TDRD3: variants seen among roughly 807,000 people sequenced by gnomAD.
The protein encoded by TDRD3 is tudor domain-containing protein 3.
Under a neutral mutation model 86.7 loss-of-function variants are expected in TDRD3, and 45 were observed. The ratio of observed to expected loss-of-function variants is 0.52; its 90% CI spans 0.41 to 0.67. The LOEUF is 0.67. TDRD3 is among the 30% of genes least tolerant of loss of function. The pLI is 0.00. For synonymous variants in TDRD3, 298 were observed against 301.7 expected (o/e 0.99, Z 0.13); for missense variants, 814 against 889.0 (o/e 0.92, Z 1.07).
At chr13:60,402,696 T>C (rs1417804807) in intron 1 of TDRD3, among the ~76,000 whole-genome samples, 3 of 144,618 alleles carry the variant, frequency 2.1e-5, no homozygotes, top group African/African-American at 2.6e-5. Flanking sequence ...AATTGCTTTT[T>C]TTTTTTTTTT....
chr13:60,441,446 T>C (rs1290650500), intron 2 of TDRD3, among the ~76,000 whole-genome samples: 1 of 152,198 alleles, frequency 6.6e-6, no homozygotes. Context: ...CCCTGAAATA[T>C]GTGGTTAAAT....
At chr13:60,505,619 A>C (rs1159761681) in intron 8 of TDRD3, among the ~76,000 whole-genome samples, 1 of 152,204 alleles carries the variant, frequency 6.6e-6, no homozygotes, top group Admixed American at 6.5e-5. Flanking sequence ...AATGCAAGGA[A>C]GCTAAGAAAC....
intron 1 of TDRD3, among the ~76,000 whole-genome samples, chr13:60,412,466 A>G (rs2137832802): frequency 1.3e-5 from 2 of 152,256 alleles, no homozygotes; most frequent in South Asian, 4.1e-4. Flanking sequence ...CCTACATTAT[A>G]TGGCATTCTA....
intron 13 of TDRD3, among the ~76,000 whole-genome samples, chr13:60,569,281 A>G (rs542217592): frequency 1.3e-5 from 2 of 152,286 alleles, no homozygotes; most frequent in African/African-American, 4.8e-5. Flanking sequence ...TCAACAGCAA[A>G]CAATCTGAAA....
intron 1 of TDRD3, among the ~76,000 whole-genome samples, chr13:60,439,059 A>G (rs1386656490): frequency 6.6e-6 from 1 of 152,142 alleles, no homozygotes; most frequent in Non-Finnish European, 1.5e-5. Context: ...TGACAGATGC[A>G]TGGCTGATTT....
At chr13:60,494,597 C>G in intron 8 of TDRD3, 22 bp downstream of exon 8, 1 of 1,599,028 alleles carries the variant, frequency 6.3e-7, no homozygotes, top group Admixed American at 1.8e-5. Context: ...GAACTAACCA[C>G]AAATTTAAAG....
At chr13:60,561,900 G>A (rs1242921605) in intron 12 of TDRD3, among the ~76,000 whole-genome samples, 1 of 150,930 alleles carries the variant, frequency 6.6e-6, no homozygotes, top group East Asian at 1.9e-4. Flanking sequence ...GTTGTTTGTA[G>A]TAGAACTACA....
chr13:60,493,397 C>T (rs1464951654), intron 7 of TDRD3, among the ~76,000 whole-genome samples: 5 of 152,064 alleles, frequency 3.3e-5, no homozygotes, highest in African/African-American at 1.2e-4. Flanking sequence ...CATGGTGGCT[C>T]ATGCCTGTAA....
At chr13:60,407,264 A>T (rs1203113076) in intron 1 of TDRD3, among the ~76,000 whole-genome samples, 2 of 152,204 alleles carry the variant, frequency 1.3e-5, no homozygotes, top group Admixed American at 6.5e-5. Flanking sequence ...AGCACGATGT[A>T]AGGTGCACAG....
intron 10 of TDRD3, among the ~76,000 whole-genome samples, chr13:60,522,652 G>C (rs1047526608): frequency 1.3e-5 from 2 of 152,190 alleles, no homozygotes; most frequent in Admixed American, 1.3e-4. Context: ...CTAAGTGCCA[G>C]TTTGTGAGCT....
chr13:60,472,406 A>G (rs1308394378), intron 5 of TDRD3, among the ~76,000 whole-genome samples: 6 of 152,222 alleles, frequency 3.9e-5, no homozygotes, highest in Non-Finnish European at 7.3e-5. Context: ...CAACATCACT[A>G]ATCAAAATGT....
chr13:60,471,419 T>G (rs1414014540), intron 5 of TDRD3, among the ~76,000 whole-genome samples: 2 of 152,132 alleles, frequency 1.3e-5, no homozygotes, highest in Non-Finnish European at 2.9e-5. Flanking sequence ...TGCCACACTG[T>G]TTTGATTACT....
intron 10 of TDRD3, among the ~76,000 whole-genome samples, chr13:60,521,803 A>T (rs1294509479): frequency 1.3e-5 from 2 of 152,192 alleles, no homozygotes; most frequent in South Asian, 2.1e-4. Context: ...AGGCTGAGGC[A>T]GGAGAATCAC....
intron 1 of TDRD3, among the ~76,000 whole-genome samples, chr13:60,397,803 G>GA (rs1156628830): frequency 6.6e-6 from 1 of 151,914 alleles, no homozygotes; most frequent in East Asian, 1.9e-4. Context: ...ATCGGGAGGC[G>GA]AGGGCTGGGA....
chr13:60,459,747 A>G (rs949688707), intron 3 of TDRD3, among the ~76,000 whole-genome samples: 3 of 152,172 alleles, frequency 2.0e-5, no homozygotes, highest in Admixed American at 1.3e-4. Flanking sequence ...CAGCCTCCCA[A>G]GTAGCTGGGA....
intron 12 of TDRD3, among the ~76,000 whole-genome samples, chr13:60,551,865 T>G (rs1002934679): frequency 3.9e-5 from 6 of 152,068 alleles, no homozygotes; most frequent in African/African-American, 1.4e-4. Flanking sequence ...GCAAACACTT[T>G]TAAAACCATC....
chr13:60,489,981 T>C (rs1399895868), intron 7 of TDRD3, among the ~76,000 whole-genome samples: 2 of 151,958 alleles, frequency 1.3e-5, no homozygotes, highest in Non-Finnish European at 2.9e-5. Flanking sequence ...CCTATTATAA[T>C]GTGCTTCTTT....
At chr13:60,440,269 T>G (rs1955228172) in intron 2 of TDRD3, among the ~76,000 whole-genome samples, 1 of 152,076 alleles carries the variant, frequency 6.6e-6, no homozygotes, top group African/African-American at 2.4e-5. Flanking sequence ...ACTATTAATG[T>G]TTTAGTGTAT....
chr13:60,395,969 T>G (rs1012045336), upstream of TDRD3, among the ~76,000 whole-genome samples: 18 of 152,178 alleles, frequency 1.2e-4, no homozygotes, highest in African/African-American at 3.6e-4. Flanking sequence ...CATCGCGATT[T>G]TATAACTATG....
Sources: allele counts gnomAD v4.1 joint callset (sites outside exome capture counted in the v4.1 genomes callset), GRCh38; gene constraint gnomAD v4.1.1; transcripts MANE v1.5; gene names NCBI Gene and HGNC (gene_info 2026-07-23, HGNC 2026-07-21).